The following OSBP2 variants were observed in gnomAD, a reference collection of about 807,000 sequenced individuals.
The protein encoded by OSBP2 is oxysterol-binding protein 2.
OSBP2 carries 66 observed loss-of-function variants against 96.0 expected under a neutral mutation model. That is an observed-to-expected ratio of 0.69 (90% CI 0.56 to 0.84). The LOEUF is 0.84. Among genes scored for constraint, OSBP2 ranks in the 40% least tolerant of loss-of-function variants. The pLI, the probability that OSBP2 is intolerant of heterozygous loss-of-function variation, is 0.00. For missense variants in OSBP2, 1,038 were observed against 1,222.7 expected, an observed-to-expected ratio of 0.85 and a Z score of 2.25; for synonymous variants, 525 against 520.9, an observed-to-expected ratio of 1.01 and a Z score of -0.11.
intron 2 of OSBP2, among the ~76,000 whole-genome samples, chr22:30,858,120 G>GTTTTTTTTTTTT (rs148749673): frequency 7.5e-6 from 1 of 132,784 alleles, no homozygotes. Flanking sequence ...GATTCACTTT[G>GTTTTTTTTTTTT]TTTTTTTTTT....
At chr22:30,887,361 A>G (rs1360546626) in intron 3 of OSBP2, 65 bp from the exon 4 acceptor site, 11 of 1,420,290 alleles carry the variant, frequency 7.7e-6, no homozygotes, top group Non-Finnish European at 9.8e-6. Flanking sequence ...TCTGGTTCAC[A>G]TGCCTCTGAC....
intron 2 of OSBP2, among the ~76,000 whole-genome samples, chr22:30,766,903 G>A (rs1302628482): frequency 6.6e-6 from 1 of 152,050 alleles, no homozygotes; most frequent in African/African-American, 2.4e-5. Flanking sequence ...GGTGCATCCT[G>A]AGGGCGCACT....
chr22:30,786,803 T>C (rs962307566), intron 2 of OSBP2, among the ~76,000 whole-genome samples: 1 of 151,534 alleles, frequency 6.6e-6, no homozygotes, highest in African/African-American at 2.4e-5. Context: ...GAAAGGTGTT[T>C]TGTTTTGTTT....
At chr22:30,705,207 A>G (rs1252017600) in intron 1 of OSBP2, among the ~76,000 whole-genome samples, 3 of 152,218 alleles carry the variant, frequency 2.0e-5, no homozygotes, top group Non-Finnish European at 2.9e-5. Flanking sequence ...ACCTTGCCCA[A>G]GGTCATCTGG....
Position 30,793,322 on chromosome 22 carries a change from G to A in OSBP2, c.853+51953G>A, listed in dbSNP as rs190690358. On this transcript the variant is annotated intron_variant, in intron 2 of 13. Coordinates refer to ENST00000332585, the MANE Select transcript of OSBP2 (RefSeq NM_030758.4). ...GGAGAATCACTTGAACTCAGGAGGTGGAGGTTGCAGTGAGCTGAGATCACA... is the reference window on the plus strand; with the variant it reads ...GGAGAATCACTTGAACTCAGGAGGTAGAGGTTGCAGTGAGCTGAGATCACA... Among the ~76,000 whole-genome samples the A allele has an allele frequency of 4.6e-5, 7 of 152,158 alleles. No homozygotes were observed. The East Asian group carries it at 9.7e-4, about 21-fold the overall frequency.
intron 2 of OSBP2, among the ~76,000 whole-genome samples, chr22:30,836,960 C>T (rs753210837): frequency 1.3e-5 from 2 of 152,040 alleles, no homozygotes; most frequent in African/African-American, 2.4e-5. Context: ...ACCAATTTAA[C>T]AGATCAAAGA....
chr22:30,818,027 C>T (rs766508668), intron 2 of OSBP2, among the ~76,000 whole-genome samples: 13 of 152,132 alleles, frequency 8.5e-5, no homozygotes, highest in Non-Finnish European at 1.6e-4. Context: ...TCCCAAGTAG[C>T]TGGGACTACA....
chr22:30,878,878 C>T (rs1334859354), intron 3 of OSBP2, among the ~76,000 whole-genome samples: 1 of 152,034 alleles, frequency 6.6e-6, no homozygotes, highest in East Asian at 1.9e-4. Context: ...GGGGGACACT[C>T]CACTTGGGGA....
intron 3 of OSBP2, among the ~76,000 whole-genome samples, chr22:30,882,077 C>T (rs2039714977): frequency 6.6e-6 from 1 of 152,188 alleles, no homozygotes; most frequent in Non-Finnish European, 1.5e-5. Context: ...CCTTTGGTAG[C>T]CTTGAGGGGG....
chr22:30,863,320 G>A (rs1430343607), intron 2 of OSBP2, among the ~76,000 whole-genome samples: 1 of 152,142 alleles, frequency 6.6e-6, no homozygotes, highest in African/African-American at 2.4e-5. Flanking sequence ...TGTTGGAGGC[G>A]CCAACCACAC....
Position 30,778,169 on chromosome 22 carries a change from CCTTTTT to C in OSBP2, c.853+36801_853+36806del, listed in dbSNP as rs1178620028. 1.2e-4 allele frequency among the ~76,000 whole-genome samples: 15 copies of C among 124,174 alleles called. 1 individual carries two copies. Among genetic ancestry groups the C allele is most frequent in the Non-Finnish European group, 1.5e-4 (9 of 59,940 alleles). The allele number at this position is 124,174 out of a possible 152,430, so 81.5% of individuals were successfully genotyped here. On this transcript the variant is annotated intron_variant, in intron 2 of 13. Transcript: ENST00000332585. ...ACCAGCATGCCCGGCTAATTTTTGC[CCTTTTT>C]TTTTTTTTTTTTTTTAGTAGAGATG...
At chr22:30,729,144 C>T (rs1423385201) in intron 1 of OSBP2, among the ~76,000 whole-genome samples, 1 of 152,026 alleles carries the variant, frequency 6.6e-6, no homozygotes, top group African/African-American at 2.4e-5. Flanking sequence ...AAGTTTTTTA[C>T]CCATTTTAAA....
In OSBP2 at chr22:30,787,293, G is replaced by A. The variant is rs1311952880; in HGVS notation, c.853+45924G>A. Among the ~76,000 whole-genome samples the A allele has an allele frequency of 2.0e-5, 3 of 152,198 alleles. No homozygotes were observed. In the East Asian group the frequency reaches 5.8e-4, roughly 29 times the overall value. On this transcript the variant is annotated intron_variant, in intron 2 of 13. Transcript: ENST00000332585. ...GAAACACATTCTTCTTAACATGGCG[G>A]CAGGAAGGAGACGAATGGGAGCTAA...
chr22:30,897,488 A>G (rs2040091228), intron 12 of OSBP2, among the ~76,000 whole-genome samples: 1 of 152,262 alleles, frequency 6.6e-6, no homozygotes, highest in African/African-American at 2.4e-5. Context: ...AGAGCGTAGC[A>G]TACAGACCAC....
At chr22:30,901,867 C>G (rs2040203780) in intron 12 of OSBP2, among the ~76,000 whole-genome samples, 1 of 151,730 alleles carries the variant, frequency 6.6e-6, no homozygotes, top group Admixed American at 6.6e-5. Context: ...TGTCCCCCCA[C>G]AAAAAAAGAT....
intron 2 of OSBP2, among the ~76,000 whole-genome samples, chr22:30,837,352 A>G (rs1440951523): frequency 2.6e-5 from 4 of 151,648 alleles, no homozygotes; most frequent in Admixed American, 2.0e-4. Context: ...AGAAGTGGTT[A>G]TTTGTGCCCA....
At chr22:30,845,606 A>G (rs549107848) in intron 2 of OSBP2, among the ~76,000 whole-genome samples, 295 of 151,190 alleles carry the variant, frequency 2.0e-3, no homozygotes, top group Non-Finnish European at 3.1e-3. Flanking sequence ...GGGGACGGCC[A>G]GGCACGGTGG....
At chr22:30,902,323 C>T in intron 12 of OSBP2, 2 of 1,590,556 alleles carry the variant, frequency 1.3e-6, no homozygotes, top group Non-Finnish European at 1.7e-6. Context: ...TAGTCAGAGA[C>T]AAAGACACAG....
intron 2 of OSBP2, among the ~76,000 whole-genome samples, chr22:30,777,009 T>C (rs2090447232): frequency 6.6e-6 from 1 of 152,234 alleles, no homozygotes; most frequent in Admixed American, 6.5e-5. Context: ...GGAATGGCTG[T>C]ATTTACCCAA....
Sources: gnomAD v4.1 joint callset for allele counts (sites outside exome capture counted in the v4.1 genomes callset) on GRCh38, gnomAD v4.1.1 for gene constraint, MANE v1.5 for transcripts, NCBI Gene and HGNC (gene_info 2026-07-23, HGNC 2026-07-21) for gene names.